Variants in ATF7 observed in about 807,000 individuals in gnomAD.
The protein encoded by ATF7 is activating transcription factor 7, also known as cyclic AMP-dependent transcription factor ATF-7.
In ATF7, 10 loss-of-function variants were observed where a neutral mutation model predicts 50.4. That is an observed-to-expected ratio of 0.20 (90% CI 0.12 to 0.34). The LOEUF (loss-of-function observed/expected upper bound fraction) is 0.34. Ranked by LOEUF, ATF7 falls within the 10% of genes least tolerant of loss-of-function variation. ATF7 has a pLI of 1.00. For synonymous variants in ATF7, 201 were observed against 226.4 expected (o/e 0.89, Z 1.01); for missense variants, 465 against 613.9 (o/e 0.76, Z 2.56).
chr12:53,610,352 G>A (rs1190884503), intron 1 of ATF7, among the ~76,000 whole-genome samples: 1 of 151,690 alleles, frequency 6.6e-6, no homozygotes, highest in African/African-American at 2.4e-5. Context: ...ATCCCTTCAG[G>A]CCAGACGTTG....
chr12:53,546,054 T>C (rs1939884195), intron 3 of ATF7, among the ~76,000 whole-genome samples: 1 of 152,074 alleles, frequency 6.6e-6, no homozygotes, highest in Non-Finnish European at 1.5e-5. Context: ...TAGCCAGGCA[T>C]GGTGGCGCAT....
chr12:53,521,852 C>T (rs1938146326), intron 11 of ATF7, among the ~76,000 whole-genome samples: 1 of 152,124 alleles, frequency 6.6e-6, no homozygotes, highest in South Asian at 2.1e-4. Flanking sequence ...TGAATGAATG[C>T]ACCCTGAAGT....
intron 6 of ATF7, among the ~76,000 whole-genome samples, chr12:53,533,814 CA>C (rs1439478943): frequency 6.6e-6 from 1 of 152,122 alleles, no homozygotes; most frequent in Non-Finnish European, 1.5e-5. Flanking sequence ...TTAGAGGTGG[CA>C]AAGACCAAGA....
At chr12:53,529,286 G>C (rs1227209417) in intron 9 of ATF7, among the ~76,000 whole-genome samples, 1 of 151,852 alleles carries the variant, frequency 6.6e-6, no homozygotes, top group Non-Finnish European at 1.5e-5. Flanking sequence ...CGCAACCTCC[G>C]CCTCCCGGGT....
intron 2 of ATF7, among the ~76,000 whole-genome samples, chr12:53,561,353 T>C (rs1360669788): frequency 1.4e-5 from 2 of 140,724 alleles, no homozygotes; most frequent in Non-Finnish European, 3.1e-5. Flanking sequence ...AAAAAAGTCA[T>C]AGAAAACTTG....
In ATF7 at chr12:53,603,894, A is replaced by G. The variant is rs572552308; in HGVS notation, c.-21-2873T>C. On this transcript the variant is annotated intron_variant, in intron 1 of 11. Transcript: ENST00000420353. The stretch of plus-strand genomic sequence containing the variant: ...TCACTGATGCCATCTCAAAAACAAA[A>G]AGCAACACATTTCTGTAGTGTAAAC... 4.6e-5 allele frequency among the ~76,000 whole-genome samples: 7 copies of G among 152,264 alleles called. No homozygotes were observed. The South Asian group carries it at 1.5e-3, about 32-fold the overall frequency.
In ATF7 at chr12:53,533,266, G is replaced by T; in HGVS notation, c.561-7C>A. 6.3e-7 allele frequency: 1 copy of T among 1,597,038 alleles called. No homozygotes were observed. ...GAGGGAGCCAGTGGGAGACCTAGAG[G>T]AGACATGAAGTGAAATGCTCATAAC... On this transcript the variant is annotated splice_polypyrimidine_tract_variant and splice_region_variant and intron_variant, in intron 6 of 11. Transcript: ENST00000420353.
chr12:53,509,346 G>A (rs1257827686), downstream of ATF7, among the ~76,000 whole-genome samples: 1 of 151,410 alleles, frequency 6.6e-6, no homozygotes, highest in Non-Finnish European at 1.5e-5. Flanking sequence ...GACAGTCTTC[G>A]GACATATTTA....
chr12:53,607,468 T>C (rs189797408), intron 1 of ATF7, among the ~76,000 whole-genome samples: 615 of 152,292 alleles, frequency 4.0e-3, no homozygotes, highest in Non-Finnish European at 7.6e-3. Context: ...AAACCAGACA[T>C]GTGGACCATT....
At chr12:53,557,456 C>T (rs769124231) in intron 2 of ATF7, among the ~76,000 whole-genome samples, 1 of 152,208 alleles carries the variant, frequency 6.6e-6, no homozygotes, top group East Asian at 1.9e-4. Flanking sequence ...CCAGCCTTGG[C>T]TTTTCCAAGT....
chr12:53,529,710 T>TATACACACACACACACAC lies in ATF7; in HGVS notation c.927+2033_927+2034insGTGTGTGTGTGTGTGTAT, dbSNP rs1555216854. On this transcript the variant is annotated intron_variant, in intron 9 of 11. Coordinates refer to ENST00000420353, the MANE Select transcript of ATF7 (RefSeq NM_006856.3). ...ATATAAATACATATATATATACACA[T>TATACACACACACACACAC]ACACACACACACACACACACACACA... is the stretch of plus-strand genomic sequence containing the variant. Among the ~76,000 whole-genome samples the TATACACACACACACACAC allele has an allele frequency of 4.0e-3, 528 of 132,226 alleles. 11 individuals carry two copies. The East Asian group carries it at 0.059, about 15-fold the overall frequency. 86.7% of individuals were successfully genotyped at this position (132,226 alleles called of 152,430 possible). A position where few individuals can be genotyped will look rare whatever the true frequency, so the allele number is the denominator to read the frequency against.
In ATF7 at chr12:53,583,906, C is replaced by T. The variant is rs115323847; in HGVS notation, c.48+17047G>A. 3.3e-3 allele frequency among the ~76,000 whole-genome samples: 499 copies of T among 152,288 alleles called. 2 individuals are homozygous for T. Among genetic ancestry groups the T allele is most frequent in the African/African-American group, 0.011 (475 of 41,560 alleles). ...CAACGGACTTTAGTCAGACACTTCA[C>T]CAAAGAAAAATACAGATGGCAAATA... On this transcript the variant is annotated intron_variant, in intron 2 of 11. Transcript: ENST00000420353.
intron 4 of ATF7, among the ~76,000 whole-genome samples, chr12:53,542,439 A>AG (rs1939628419): frequency 6.6e-6 from 1 of 151,502 alleles, no homozygotes; most frequent in African/African-American, 2.4e-5. Context: ...AAAAAAAAAA[A>AG]AGAGAGAGAT....
chr12:53,524,417 C>A lies in ATF7; in HGVS notation c.1125+147G>T. The A allele has an allele frequency of 1.1e-6, 1 of 928,312 alleles. No homozygotes were observed. The highest frequency in any genetic ancestry group is 1.6e-6 in the Non-Finnish European group (1 of 631,694). The allele number at this position is 928,312 out of a possible 1,614,324, so 57.5% of individuals were successfully genotyped here. On this transcript the variant is annotated intron_variant, in intron 10 of 11. Transcript: ENST00000420353. This position sits in a 1 kb window ranked among gnomAD's most constrained non-coding sequence, Gnocchi z 4.6. ...AATACCTATGAAAGAGATTTCAACT[C>A]TGACCGTTAAGAGATTCTTCATGGG...
At chr12:53,533,047 A>G (rs1938999545) in intron 7 of ATF7, 113 bp downstream of exon 7, 1 of 936,666 alleles carries the variant, frequency 1.1e-6, no homozygotes, top group Non-Finnish European at 1.7e-6. Context: ...TGCTCAGCTA[A>G]TATAGATCAG....
rs1237809455 is a variant in ATF7 at position 53,516,489 on chromosome 12, TAG to T, written c.*646_*647del. 2 of 152,624 alleles carry T rather than the reference TAG, an allele frequency of 1.3e-5. No homozygotes were observed. Among genetic ancestry groups the T allele is most frequent in the African/African-American group, 4.8e-5 (2 of 41,392 alleles). The allele number at this position is 152,624 out of a possible 1,614,324, so 9.5% of individuals were successfully genotyped here. On this transcript the variant is annotated 3_prime_UTR_variant, in exon 12 of 12. Transcript: ENST00000420353. ...GGGTTTCTTTCTTTTTGGTGGCAGG[TAG>T]AGAGAAGGAATAAAGCTTATGGAAA... is the stretch of plus-strand genomic sequence containing the variant.
chr12:53,591,577 G>GA (rs1250441202), intron 2 of ATF7, among the ~76,000 whole-genome samples: 1 of 152,200 alleles, frequency 6.6e-6, no homozygotes, highest in Non-Finnish European at 1.5e-5. Context: ...TGTGGCTAAG[G>GA]AATCAGAGCT....
intron 2 of ATF7, among the ~76,000 whole-genome samples, chr12:53,580,909 C>G (rs1285255151): frequency 2.0e-5 from 3 of 151,478 alleles, no homozygotes; most frequent in African/African-American, 4.8e-5. Flanking sequence ...GTCAGGAGTT[C>G]GAGACCAGCC....
downstream of ATF7, among the ~76,000 whole-genome samples, chr12:53,509,132 G>C (rs754025582): frequency 8.5e-5 from 13 of 152,152 alleles, no homozygotes; most frequent in Admixed American, 2.6e-4. Flanking sequence ...GCCTCTGCTT[G>C]AGCAAGCTGT....
Sources: allele counts gnomAD v4.1 joint callset (sites outside exome capture counted in the v4.1 genomes callset), GRCh38; gene constraint gnomAD v4.1.1; non-coding constraint Gnocchi (gnomAD v3.1); transcripts MANE v1.5; gene names NCBI Gene and HGNC (gene_info 2026-07-23, HGNC 2026-07-21).